The following FRMD7 variants were observed in gnomAD, a reference collection of about 807,000 sequenced individuals.
FRMD7 encodes FERM domain containing 7.
In FRMD7, 14 loss-of-function variants were observed where a neutral mutation model predicts 44.1. The observed-to-expected ratio is 0.32, with a 90% CI of 0.21 to 0.50. The LOEUF (loss-of-function observed/expected upper bound fraction) is 0.50, where lower values mean the gene tolerates loss of function less well. FRMD7 is among the 20% of genes least tolerant of loss of function. The pLI, the probability that FRMD7 is intolerant of heterozygous loss-of-function variation, is 0.99. For synonymous variants in FRMD7, 212 were observed against 187.4 expected (o/e 1.13, Z -1.07); for missense variants, 501 against 522.3 (o/e 0.96, Z 0.40).
intron 1 of FRMD7, among the ~76,000 whole-genome samples, chrX:132,127,144 T>C (rs1032836900): frequency 1.8e-5 from 2 of 112,538 alleles, no homozygotes; most frequent in African/African-American, 3.2e-5. Context: ...TCTTAAGATG[T>C]TGGAACATGA....
Position 132,077,727 on chromosome X carries a change from C to G in FRMD7, c.*145G>C. Reference sequence around the variant, plus strand: ...TCAAGGAATGAGGCAACAGCTGGATCTTTCATAAGGCAGGCATCCAAAATG... The same window carrying G: ...TCAAGGAATGAGGCAACAGCTGGATGTTTCATAAGGCAGGCATCCAAAATG... On this transcript the variant is annotated 3_prime_UTR_variant, in exon 12 of 12. Coordinates refer to ENST00000298542, the MANE Select transcript of FRMD7 (RefSeq NM_194277.3). The G allele has an allele frequency of 1.2e-6, 1 of 856,095 alleles. No individual in the cohort carries two copies. The highest frequency in any genetic ancestry group is 1.6e-6 in the Non-Finnish European group (1 of 609,062). The allele number at this position is 856,095 out of a possible 1,213,427, so 70.6% of individuals were successfully genotyped here.
At chrX:132,098,987 C>T (rs889984961) in intron 3 of FRMD7, among the ~76,000 whole-genome samples, 2 of 111,851 alleles carry the variant, frequency 1.8e-5, no homozygotes, top group Non-Finnish European at 3.8e-5. Context: ...GAAACTCAGG[C>T]GATCCTAATG....
At chrX:132,115,924 T>C (rs1162825644) in intron 1 of FRMD7, among the ~76,000 whole-genome samples, 4 of 110,491 alleles carry the variant, frequency 3.6e-5, no homozygotes, top group Non-Finnish European at 7.6e-5. Flanking sequence ...TTTGGGGAAG[T>C]CTGAGGCAGG....
In FRMD7 at chrX:132,086,009, T is replaced by C. The variant is rs769425350; in HGVS notation, c.408A>G (p.Glu136=). The part of the protein sequence containing the change: ...LQSELGDFHE[E]TDRKHLAQTR... ...TTTGTGCCAGATGCTTCCTATCTGT[T>C]TCTTCATGAAAGTCTCCAAGTTCTG... Residue 136 remains glutamate, a synonymous_variant, in exon 6 of 12, where the codon GAA becomes GAG. Transcript: ENST00000298542. The C allele has an allele frequency of 1.2e-5, 14 of 1,196,447 alleles. No individual in the cohort carries two copies. Among genetic ancestry groups the C allele is most frequent in the South Asian group, 7.1e-5 (4 of 56,649 alleles).
chrX:132,100,582 A>C (rs374149359), intron 2 of FRMD7, 30 bp downstream of exon 2: 106 of 1,005,625 alleles, frequency 1.1e-4, no homozygotes, highest in Non-Finnish European at 1.4e-4. Flanking sequence ...AATGCTAGAC[A>C]CAAAGAACCC....
chrX:132,078,569 C>A lies in FRMD7; in HGVS notation c.1448G>T (p.Cys483Phe), dbSNP rs1433351588. Residue 483 changes from cysteine to phenylalanine, a missense_variant, in exon 12 of 12, where the codon TGT becomes TTT. Around this residue, in one of 3 missense-constraint regions of FRMD7, gnomAD observed 453 missense variants for 452.7 expected, o/e 1.00. Coordinates refer to ENST00000298542, the MANE Select transcript of FRMD7 (RefSeq NM_194277.3). ...LTYTDVPYIP[C>F]TGQQVGIMPP... is the part of the protein sequence containing the mutation. Reference sequence around the variant, plus strand: ...CATAATACCAACCTGCTGACCTGTACAAGGAATATAGGGCACATCCGTGTA... The same window carrying A: ...CATAATACCAACCTGCTGACCTGTAAAAGGAATATAGGGCACATCCGTGTA... 4 of 1,209,873 alleles carry A rather than the reference C, an allele frequency of 3.3e-6. No individual in the cohort carries two copies. In the African/African-American group the frequency reaches 5.3e-5, roughly 16 times the overall value.
intron 1 of FRMD7, among the ~76,000 whole-genome samples, chrX:132,115,741 T>C (rs1225752580): frequency 1.8e-5 from 2 of 111,960 alleles, no homozygotes; most frequent in African/African-American, 6.5e-5. Flanking sequence ...ACCAAAGATA[T>C]TCTTCCCTTC....
chrX:132,117,480 A>G lies in FRMD7; in HGVS notation c.57+10308T>C, dbSNP rs145674277. 7.1e-3 allele frequency among the ~76,000 whole-genome samples: 797 copies of G among 112,401 alleles called. 5 individuals are homozygous for G. Among genetic ancestry groups the G allele is most frequent in the African/African-American group, 0.024 (754 of 30,963 alleles). ...CGAGGTAACGTGCTTTACCTCACAT[A>G]CTTATCATTGGAACTGTGTTTTCAA... On this transcript the variant is annotated intron_variant, in intron 1 of 11. Transcript: ENST00000298542.
In FRMD7 at chrX:132,077,814, T is replaced by C. The variant is rs1927652285; in HGVS notation, c.*58A>G. On this transcript the variant is annotated 3_prime_UTR_variant, in exon 12 of 12. Transcript: ENST00000298542. ...GAAAATGGTTTCTACAACTTCATTA[T>C]TTTCTGCCTAAGTCGGTAACATGGA... The C allele has an allele frequency of 1.9e-5, 23 of 1,206,798 alleles. No individual in the cohort carries two copies. The highest frequency in any genetic ancestry group is 2.4e-5 in the Non-Finnish European group (21 of 892,961).
At chrX:132,080,495 ACAGCT>A (rs1927773480) in intron 9 of FRMD7, among the ~76,000 whole-genome samples, 1 of 112,136 alleles carries the variant, frequency 8.9e-6, no homozygotes, top group Non-Finnish European at 1.9e-5. Flanking sequence ...GGGTTACATA[ACAGCT>A]AAAAATTGTG....
chrX:132,082,766 C>T (rs769536268), intron 8 of FRMD7, among the ~76,000 whole-genome samples: 1 of 112,063 alleles, frequency 8.9e-6, no homozygotes, highest in African/African-American at 3.2e-5. Flanking sequence ...GCACACTCCC[C>T]TCACCTTAAA....
At chrX:132,106,364 C>CA (rs1472514367) in intron 1 of FRMD7, among the ~76,000 whole-genome samples, 2 of 111,547 alleles carry the variant, frequency 1.8e-5, no homozygotes, top group Non-Finnish European at 3.8e-5. Context: ...ATTAAAAAGT[C>CA]AAAAAATAAT....
chrX:132,097,364 A>T lies in FRMD7; in HGVS notation c.206-20T>A. 1.0e-6 allele frequency: 1 copy of T among 972,536 alleles called. No homozygotes were observed. Among genetic ancestry groups the T allele is most frequent in the Non-Finnish European group, 1.5e-6 (1 of 678,298 alleles). The allele number at this position is 972,536 out of a possible 1,213,427, so 80.1% of individuals were successfully genotyped here. A position where few individuals can be genotyped will look rare whatever the true frequency, so the allele number is the denominator to read the frequency against. ...TAGGATCTTAAAACACAATATCTCCATAAGTTTTATTTAAATGTCCATCAC... is the reference window on the plus strand; with the variant it reads ...TAGGATCTTAAAACACAATATCTCCTTAAGTTTTATTTAAATGTCCATCAC... On this transcript the variant is annotated intron_variant, in intron 3 of 11. Coordinates refer to ENST00000298542, the MANE Select transcript of FRMD7 (RefSeq NM_194277.3).
intron 11 of FRMD7, among the ~76,000 whole-genome samples, 184 bp from the exon 12 acceptor site, chrX:132,079,150 G>A (rs979704265): frequency 8.9e-6 from 1 of 112,362 alleles, no homozygotes; most frequent in African/African-American, 3.2e-5. Context: ...CTACATCACA[G>A]TGCATGTGTT....
rs181519221 is a variant in FRMD7 at position 132,086,109 on chromosome X, T to C, written c.383-75A>G. 1.8e-3 allele frequency: 1,109 copies of C among 630,384 alleles called. 8 individuals are homozygous for C. The African/African-American group carries it at 0.02, about 12-fold the overall frequency. 52.0% of individuals were successfully genotyped at this position (630,384 alleles called of 1,213,427 possible). The stretch of plus-strand genomic sequence containing the variant: ...CAATGGAGCATCCAGCATACCCTTG[T>C]CCTCCATCAAACAGCCCCTTCTTTG... On this transcript the variant is annotated intron_variant, in intron 5 of 11. Coordinates refer to ENST00000298542, the MANE Select transcript of FRMD7 (RefSeq NM_194277.3).
In FRMD7 at chrX:132,077,403, C is replaced by T; in HGVS notation, c.*469G>A. On this transcript the variant is annotated 3_prime_UTR_variant, in exon 12 of 12. Coordinates refer to ENST00000298542, the MANE Select transcript of FRMD7 (RefSeq NM_194277.3). ...GGAAGTATTTAGCATATTACAAGAC[C>T]ATTTCTACTGGGCCCCACACAAATA... 7.7e-6 allele frequency: 1 copy of T among 130,461 alleles called. No individual in the cohort carries two copies. The highest frequency in any genetic ancestry group is 1.6e-5 in the Non-Finnish European group (1 of 63,912). 10.8% of individuals were successfully genotyped at this position (130,461 alleles called of 1,213,427 possible).
chrX:132,092,689 C>T (rs189310894), intron 5 of FRMD7, among the ~76,000 whole-genome samples: 1 of 111,807 alleles, frequency 8.9e-6, no homozygotes, highest in African/African-American at 3.3e-5. Flanking sequence ...TGAGCTCCCC[C>T]GTCAGAGACT....
At chrX:132,123,399 T>C (rs1929082994) in intron 1 of FRMD7, among the ~76,000 whole-genome samples, 1 of 112,072 alleles carries the variant, frequency 8.9e-6, no homozygotes, top group South Asian at 3.7e-4. Context: ...GGTGGGTTTT[T>C]TGGTAGTTTT....
At chrX:132,083,458 C>T (rs184652750) in intron 8 of FRMD7, among the ~76,000 whole-genome samples, 442 of 111,030 alleles carry the variant, frequency 4.0e-3, no homozygotes, top group Non-Finnish European at 6.7e-3. Context: ...CAACCCACTG[C>T]ACTGACCCCA....
Sources: gnomAD v4.1 joint callset for allele counts (sites outside exome capture counted in the v4.1 genomes callset) on GRCh38, gnomAD v4.1.1 for gene constraint, gnomAD v4.1.1 regional missense constraint, MANE v1.5 for transcripts, NCBI Gene and HGNC (gene_info 2026-07-23, HGNC 2026-07-21) for gene names.